MYO5B: variants seen among roughly 807,000 people sequenced by gnomAD.
MYO5B encodes unconventional myosin-Vb.
MYO5B carries 143 observed loss-of-function variants against 229.3 expected under a neutral mutation model. The observed-to-expected ratio is 0.62, with a 90% confidence interval of 0.54 to 0.72. The LOEUF is 0.72. Ranked by LOEUF, MYO5B falls within the 30% of genes least tolerant of loss-of-function variation. The probability of loss-of-function intolerance (pLI) is 0.00; values close to 1 mark genes in which losing one functional copy is unlikely to be tolerated. For synonymous variants in MYO5B, 918 were observed against 885.2 expected (o/e 1.04, Z -0.66); for missense variants, 2,321 against 2,331.0 (o/e 1.00, Z 0.09).
chr18:49,874,015 T>C (rs190394139), intron 26 of MYO5B, among the ~76,000 whole-genome samples: 223 of 152,250 alleles, frequency 1.5e-3, no homozygotes, highest in African/African-American at 5.2e-3. Context: ...GGATCCCTCT[T>C]TGGACCAAAA....
chr18:50,102,579 C>T (rs528992209), intron 1 of MYO5B, among the ~76,000 whole-genome samples: 2 of 152,160 alleles, frequency 1.3e-5, no homozygotes, highest in African/African-American at 4.8e-5. Flanking sequence ...AGCAAAATAC[C>T]TCTGATGCAG....
chr18:50,186,963 A>C (rs149961117), intron 1 of MYO5B, among the ~76,000 whole-genome samples: 4 of 152,342 alleles, frequency 2.6e-5, no homozygotes, highest in African/African-American at 9.6e-5. Flanking sequence ...TTCATTAAAG[A>C]AAAGCAAATC....
chr18:49,993,541 C>T (rs2025955028), intron 5 of MYO5B, among the ~76,000 whole-genome samples: 2 of 152,112 alleles, frequency 1.3e-5, no homozygotes, highest in East Asian at 1.9e-4. Flanking sequence ...CTGAGTTATA[C>T]AACCACCCAC....
chr18:50,074,309 T>C (rs1213566906), intron 1 of MYO5B, among the ~76,000 whole-genome samples: 1 of 152,156 alleles, frequency 6.6e-6, no homozygotes, highest in Non-Finnish European at 1.5e-5. Context: ...CACATGGGAA[T>C]TCTGGGAGAT....
At chr18:50,167,200 G>A (rs1013038448) in intron 1 of MYO5B, among the ~76,000 whole-genome samples, 1 of 152,214 alleles carries the variant, frequency 6.6e-6, no homozygotes, top group African/African-American at 2.4e-5. Context: ...GTATATTGCA[G>A]AAGGCTCCTT....
rs952295238 is a variant in MYO5B, at chr18:50,169,250, C to T, written c.27+25517G>A. Among the ~76,000 whole-genome samples, 3 of 127,134 alleles carry T rather than the reference C, an allele frequency of 2.4e-5. 1 individual carries two copies. Among genetic ancestry groups the T allele is most frequent in the African/African-American group, 5.9e-5 (2 of 33,618 alleles). 83.4% of individuals were successfully genotyped at this position (127,134 alleles called of 152,430 possible). A position where few individuals can be genotyped will look rare whatever the true frequency, so the allele number is the denominator to read the frequency against. ...CTTGAGCCCAAGAGGCTGCAGTGAG[C>T]GATAATGATGCCAGTATACTCCAGC... On this transcript the variant is annotated intron_variant, in intron 1 of 39. Transcript: ENST00000285039.
chr18:49,848,695 G>A (rs2024161841), intron 32 of MYO5B, among the ~76,000 whole-genome samples: 1 of 152,126 alleles, frequency 6.6e-6, no homozygotes, highest in South Asian at 2.1e-4. Context: ...CAGAAAAGAG[G>A]GAGTGATAGG....
intron 10 of MYO5B, among the ~76,000 whole-genome samples, chr18:49,972,415 T>C (rs1304865987): frequency 2.0e-5 from 3 of 152,204 alleles, no homozygotes. Context: ...GCAGACTCTT[T>C]AAATTCAAGG....
intron 4 of MYO5B, among the ~76,000 whole-genome samples, chr18:50,010,857 T>C (rs72913817): frequency 0.094 from 14,250 of 152,244 alleles, 730 homozygotes; most frequent in Middle Eastern, 0.11. Context: ...TTCAAGTATA[T>C]TCAAATAAAA....
At chr18:50,174,821 G>A (rs1357805759) in intron 1 of MYO5B, among the ~76,000 whole-genome samples, 1 of 152,164 alleles carries the variant, frequency 6.6e-6, no homozygotes, top group African/African-American at 2.4e-5. Flanking sequence ...CCTTACATAG[G>A]TGCTAGTGAT....
intron 1 of MYO5B, among the ~76,000 whole-genome samples, chr18:50,135,871 G>A (rs2032326935): frequency 6.6e-6 from 1 of 152,368 alleles, no homozygotes; most frequent in East Asian, 1.9e-4. Flanking sequence ...AGGTGTGCCT[G>A]CAAGTGGTCT....
At chr18:49,887,878 G>A (rs927097566) in intron 22 of MYO5B, among the ~76,000 whole-genome samples, 2 of 151,788 alleles carry the variant, frequency 1.3e-5, no homozygotes, top group East Asian at 1.9e-4. Flanking sequence ...TAGTAGAGAC[G>A]TGTTTCATCA....
intron 13 of MYO5B, among the ~76,000 whole-genome samples, chr18:49,953,946 T>TATATAC (rs1555646642): frequency 4.6e-5 from 4 of 86,788 alleles, no homozygotes; most frequent in Non-Finnish European, 9.8e-5. Context: ...ACTATATATA[T>TATATAC]ACAGACATGT....
chr18:49,937,337 CA>C lies in MYO5B; in HGVS notation c.1812del (p.Lys606ArgfsTer16). 1.2e-6 allele frequency: 2 copies of C among 1,613,812 alleles called. No individual in the cohort carries two copies. The highest frequency in any genetic ancestry group is 1.7e-6 in the Non-Finnish European group (2 of 1,179,716). On this transcript the variant is annotated frameshift_variant, in exon 15 of 40. Transcript: ENST00000285039. LOFTEE classifies it high-confidence loss of function. ...CTGATCTTCGAAGATGACCCCTTCC[CA>C]GGGGTGGTGGCAGGAACAGGGTCCT... ...DDKDPVPATT[P>X]GKGSSSKISV...
intron 17 of MYO5B, among the ~76,000 whole-genome samples, chr18:49,916,387 C>A (rs1259956365): frequency 6.6e-6 from 1 of 152,188 alleles, no homozygotes; most frequent in East Asian, 1.9e-4. Context: ...CCAGTCCCAG[C>A]CTGGATGCCG....
intron 1 of MYO5B, among the ~76,000 whole-genome samples, chr18:50,185,618 C>T (rs10853592): frequency 0.51 from 78,039 of 152,016 alleles, 20,192 homozygotes; most frequent in Admixed American, 0.59. Context: ...ACATTGTATA[C>T]GTGTATTAAA....
intron 39 of MYO5B, 114 bp downstream of exon 39, chr18:49,835,230 G>C (rs999360758): frequency 1.2e-4 from 89 of 772,944 alleles, no homozygotes; most frequent in Non-Finnish European, 1.7e-4. Flanking sequence ...AGGTCTCCCA[G>C]CATATATGTA....
chr18:50,056,297 G>A (rs2064296564), intron 1 of MYO5B, among the ~76,000 whole-genome samples: 2 of 152,130 alleles, frequency 1.3e-5, no homozygotes, highest in African/African-American at 4.8e-5. Context: ...ATCACCTGGG[G>A]AGCCTGGAAA....
intron 27 of MYO5B, among the ~76,000 whole-genome samples, chr18:49,871,889 T>C (rs2024459928): frequency 1.3e-5 from 2 of 152,232 alleles, no homozygotes. Context: ...TGTCTACCCA[T>C]GCAAGCCTTG....
Sources: allele counts gnomAD v4.1 joint callset (sites outside exome capture counted in the v4.1 genomes callset), GRCh38; gene constraint gnomAD v4.1.1; transcripts MANE v1.5; gene names NCBI Gene and HGNC (gene_info 2026-07-23, HGNC 2026-07-21).